CEBPZOS: variants seen among roughly 807,000 people sequenced by gnomAD.
The protein encoded by CEBPZOS is CEBPZ opposite strand.
A neutral mutation model predicts 4.8 loss-of-function variants in CEBPZOS; 10 were observed. The ratio of observed to expected loss-of-function variants is 2.07; its 90% confidence interval spans 1.28 to 3.52. The LOEUF is 3.52. Among genes scored for constraint, CEBPZOS ranks in the 30% most tolerant of loss-of-function variants. The probability of loss-of-function intolerance (pLI) is 0.00; values close to 1 mark genes in which losing one functional copy is unlikely to be tolerated. For missense variants in CEBPZOS, 98 were observed against 43.6 expected (o/e 2.25, Z -3.51); for synonymous variants, 25 against 14.2 (o/e 1.77, Z -1.72).
At position 37,204,301 on chromosome 2, in the gene CEBPZOS, C is replaced by CA. The variant is rs922966524; in HGVS notation, c.*2442dup. The CA allele has an allele frequency of 5.0e-5, 6 of 118,948 alleles. No individual in the cohort carries two copies. The highest frequency in any genetic ancestry group is 1.9e-4 in the African/African-American group (6 of 31,420). The allele number at this position is 118,948 out of a possible 1,614,324, so 7.4% of individuals were successfully genotyped here. On this transcript the variant is annotated 3_prime_UTR_variant, in exon 5 of 5. Coordinates refer to ENST00000402297, the MANE Select transcript of CEBPZOS (RefSeq NM_001322374.2). ...GATTTTTTTTTTTTTTTTTTTGAGA[C>CA]AGAGTCTCGCTTTGTCGCCAGGCTG...
intron 3 of CEBPZOS, 88 bp downstream of exon 3, chr2:37,201,180 C>G: frequency 1.5e-6 from 1 of 667,548 alleles, no homozygotes; most frequent in Non-Finnish European, 2.7e-6. Flanking sequence ...CAAGGAATTT[C>G]TAACAATACT....
downstream of CEBPZOS, among the ~76,000 whole-genome samples, chr2:37,207,200 T>C (rs776040134): frequency 6.6e-6 from 1 of 152,152 alleles, no homozygotes; most frequent in Admixed American, 6.5e-5. Flanking sequence ...AACACAATAA[T>C]AGTGGGTGAC....
downstream of CEBPZOS, chr2:37,214,995 C>T (rs1178555209): frequency 8.1e-6 from 10 of 1,234,472 alleles, no homozygotes; most frequent in Non-Finnish European, 1.2e-5. Context: ...TATAGCAATC[C>T]CCTTTATGTT....
chr2:37,211,807 A>T, intron 4 of CEBPZOS: 1 of 1,466,156 alleles, frequency 6.8e-7, no homozygotes. Context: ...GAAGTGAGGA[A>T]GACACAGTTT....
chr2:37,207,781 G>A (rs1369265158), downstream of CEBPZOS, among the ~76,000 whole-genome samples: 1 of 152,012 alleles, frequency 6.6e-6, no homozygotes, highest in Admixed American at 6.6e-5. Flanking sequence ...AAACCCAGCA[G>A]AAGAAAAGAA....
intron 3 of CEBPZOS, 193 bp from the exon 4 acceptor site, chr2:37,201,449 G>C (rs1245855786): frequency 5.5e-6 from 3 of 545,434 alleles, no homozygotes; most frequent in African/African-American, 1.9e-5. Flanking sequence ...ATGACATCAT[G>C]TAGTTAGACG....
downstream of CEBPZOS, among the ~76,000 whole-genome samples, chr2:37,208,010 ACT>A (rs2148342486): frequency 6.6e-6 from 1 of 152,306 alleles, no homozygotes; most frequent in African/African-American, 2.4e-5. Flanking sequence ...ATTCAAGGCT[ACT>A]ATGAACACCT....
At chr2:37,212,274 T>C in intron 4 of CEBPZOS, 2 of 1,459,722 alleles carry the variant, frequency 1.4e-6, no homozygotes, top group Non-Finnish European at 1.9e-6. Context: ...TCTACTGTTC[T>C]GAGGGACAAC....
intron 2 of CEBPZOS, among the ~76,000 whole-genome samples, chr2:37,200,266 C>T (rs753086654): frequency 6.6e-5 from 10 of 152,056 alleles, no homozygotes; most frequent in Non-Finnish European, 1.0e-4. Context: ...ATGCTATGGC[C>T]GAAAGTGCTT....
Position 37,202,510 on chromosome 2 carries a change from T to C in CEBPZOS, c.*650T>C, listed in dbSNP as rs1677304092. 4.0e-6 allele frequency: 1 copy of C among 248,336 alleles called. No individual in the cohort carries two copies. Among genetic ancestry groups the C allele is most frequent in the Non-Finnish European group, 7.8e-6 (1 of 128,014 alleles). The allele number at this position is 248,336 out of a possible 1,614,324, so 15.4% of individuals were successfully genotyped here. ...AAATACAAAAATTAGCTGGGCGTGG[T>C]GGTGCATGCCTGTAATCCCAGCTAC... is the stretch of plus-strand genomic sequence containing the variant. On this transcript the variant is annotated 3_prime_UTR_variant, in exon 5 of 5. Transcript: ENST00000402297.
downstream of CEBPZOS, among the ~76,000 whole-genome samples, chr2:37,205,518 C>T (rs946086845): frequency 2.0e-5 from 3 of 152,174 alleles, no homozygotes; most frequent in South Asian, 6.2e-4. Flanking sequence ...TGGCCCCACC[C>T]CTATCTCCCT....
In CEBPZOS at chr2:37,199,739, T is replaced by A; in HGVS notation, c.35T>A (p.Ile12Asn). Reference protein sequence around the residue: ...ARTLEPLAKKIFKGVLVAELV... With the variant: ...ARTLEPLAKKNFKGVLVAELV... Reference sequence around the variant, plus strand: ...ACTTTGGAACCACTAGCAAAGAAGATCTTTAAAGGAGTTTTGGTAGCCGAA... The same window carrying A: ...ACTTTGGAACCACTAGCAAAGAAGAACTTTAAAGGAGTTTTGGTAGCCGAA... Residue 12 changes from isoleucine (I) to asparagine (N), a missense_variant, in exon 2 of 5, where the codon ATC (isoleucine) becomes AAC (asparagine). Transcript: ENST00000402297. 1.4e-6 allele frequency: 1 copy of A among 717,482 alleles called. No homozygotes were observed. Among genetic ancestry groups the A allele is most frequent in the Non-Finnish European group, 2.6e-6 (1 of 385,070 alleles). 44.4% of individuals were successfully genotyped at this position (717,482 alleles called of 1,614,324 possible).
At chr2:37,211,590 T>G (rs1677721931) in intron 4 of CEBPZOS, 1 of 408,304 alleles carries the variant, frequency 2.4e-6, no homozygotes, top group East Asian at 3.9e-5. Flanking sequence ...CAACATGTAT[T>G]GTACAGAGAA....
intron 1 of CEBPZOS, among the ~76,000 whole-genome samples, chr2:37,197,539 G>T (rs1040801598): frequency 2.6e-5 from 4 of 152,178 alleles, no homozygotes; most frequent in African/African-American, 9.7e-5. Context: ...TAATGGAACT[G>T]GCTGCAGGCG....
In CEBPZOS at chr2:37,203,053, G is replaced by A. The variant is rs1677357640; in HGVS notation, c.*1193G>A. On this transcript the variant is annotated 3_prime_UTR_variant, in exon 5 of 5. Coordinates refer to ENST00000402297, the MANE Select transcript of CEBPZOS (RefSeq NM_001322374.2). Reference sequence around the variant, plus strand: ...TACATTATTCAATTATAAATCTAATGATTTTAGAAAAATGCAATGCAACAT... The same window carrying A: ...TACATTATTCAATTATAAATCTAATAATTTTAGAAAAATGCAATGCAACAT... 7.7e-7 allele frequency: 1 copy of A among 1,299,414 alleles called. No individual in the cohort carries two copies. Among genetic ancestry groups the A allele is most frequent in the Non-Finnish European group, 1.1e-6 (1 of 950,704 alleles). The allele number at this position is 1,299,414 out of a possible 1,614,324, so 80.5% of individuals were successfully genotyped here. A position where few individuals can be genotyped will look rare whatever the true frequency, so the allele number is the denominator to read the frequency against.
chr2:37,212,379 A>G (rs373843617), intron 4 of CEBPZOS: 2 of 1,613,396 alleles, frequency 1.2e-6, no homozygotes, highest in African/African-American at 2.7e-5. Context: ...AACAGTTATC[A>G]TCTTCAAATG....
intron 4 of CEBPZOS, chr2:37,210,781 A>T (rs1677696185): frequency 2.2e-6 from 1 of 457,112 alleles, no homozygotes; most frequent in South Asian, 3.2e-5. Flanking sequence ...ATGATAACAA[A>T]TTTTTAAAAA....
At position 37,199,743 on chromosome 2, in the gene CEBPZOS, T is replaced by C. The variant is rs1050987560; in HGVS notation, c.39T>C (p.Phe13=). ...RTLEPLAKKI[F]KGVLVAELVG... ...TGGAACCACTAGCAAAGAAGATCTT[T>C]AAAGGAGTTTTGGTAGCCGAACTTG... Residue 13 remains phenylalanine (F), a synonymous_variant, in exon 2 of 5, where the codon TTT becomes TTC. Coordinates refer to ENST00000402297, the MANE Select transcript of CEBPZOS (RefSeq NM_001322374.2). The C allele has an allele frequency of 4.2e-6, 3 of 717,530 alleles. No individual in the cohort carries two copies. Among genetic ancestry groups the C allele is most frequent in the Non-Finnish European group, 7.8e-6 (3 of 385,092 alleles). 44.4% of individuals were successfully genotyped at this position (717,530 alleles called of 1,614,324 possible). A position where few individuals can be genotyped will look rare whatever the true frequency, so the allele number is the denominator to read the frequency against.
chr2:37,211,785 CTT>C (rs1020147271), intron 4 of CEBPZOS: 5 of 1,321,406 alleles, frequency 3.8e-6, no homozygotes, highest in African/African-American at 3.0e-5. Flanking sequence ...GAAAAACAAA[CTT>C]AAGGCTAAGG....
Sources: allele counts gnomAD v4.1 joint callset (sites outside exome capture counted in the v4.1 genomes callset), GRCh38; gene constraint gnomAD v4.1.1; transcripts MANE v1.5; gene names NCBI Gene and HGNC (gene_info 2026-07-23, HGNC 2026-07-21).